Variants in CD200R1 observed in about 807,000 individuals in gnomAD.
CD200R1 encodes the protein cell surface glycoprotein CD200 receptor 1.
In CD200R1, 30 loss-of-function variants were observed where a neutral mutation model predicts 38.1. The ratio of observed to expected loss-of-function variants is 0.79; its 90% CI spans 0.59 to 1.07. The LOEUF is 1.07. CD200R1 is among the 50% of genes least tolerant of loss of function. The pLI, the probability that CD200R1 is intolerant of heterozygous loss-of-function variation, is 0.00. For synonymous variants in CD200R1, 128 were observed against 152.1 expected (o/e 0.84, Z 1.16); for missense variants, 372 against 415.4 (o/e 0.90, Z 0.91).
At chr3:112,931,212 T>G (rs1285659373) in intron 2 of CD200R1, 41 bp from the exon 3 acceptor site, 1 of 1,322,986 alleles carries the variant, frequency 7.6e-7, no homozygotes, top group Admixed American at 1.7e-5. Context: ...ATCAATTTTA[T>G]GTACTCAGAG....
chr3:112,930,459 T>C (rs759341931), intron 3 of CD200R1, among the ~76,000 whole-genome samples: 2 of 152,246 alleles, frequency 1.3e-5, no homozygotes, highest in Non-Finnish European at 2.9e-5. Context: ...TTGATCCCTG[T>C]TGTCCATCAT....
intron 1 of CD200R1, among the ~76,000 whole-genome samples, chr3:112,974,070 A>G (rs549450227): frequency 6.6e-6 from 1 of 152,304 alleles, no homozygotes; most frequent in East Asian, 1.9e-4. Context: ...AGAAAGCAAT[A>G]AACTGTCCTA....
chr3:112,923,950 A>G (rs1940226687), intron 7 of CD200R1, 151 bp from the exon 8 acceptor site: 1 of 545,932 alleles, frequency 1.8e-6, no homozygotes, highest in Non-Finnish European at 3.2e-6. Flanking sequence ...ACATAAGAGC[A>G]GGATTTGTTC....
chr3:112,941,016 C>T (rs10460779), intron 2 of CD200R1, among the ~76,000 whole-genome samples: 4,310 of 151,518 alleles, frequency 0.028, 191 homozygotes, highest in East Asian at 0.22. Flanking sequence ...TGGATGGAAC[C>T]GGAGGATATT....
At chr3:112,933,992 G>T (rs943628726) in intron 2 of CD200R1, among the ~76,000 whole-genome samples, 1 of 151,898 alleles carries the variant, frequency 6.6e-6, no homozygotes, top group African/African-American at 2.4e-5. Flanking sequence ...GGAGACATCA[G>T]TAAGCAAAAA....
chr3:112,953,674 A>G (rs1394149645), intron 1 of CD200R1, among the ~76,000 whole-genome samples: 1 of 152,152 alleles, frequency 6.6e-6, no homozygotes, highest in Non-Finnish European at 1.5e-5. Context: ...AAATCTTGGT[A>G]GGTTGTCTAT....
chr3:112,946,054 G>GAAA (rs1553768550), intron 2 of CD200R1, among the ~76,000 whole-genome samples: 7 of 110,214 alleles, frequency 6.4e-5, no homozygotes, highest in Admixed American at 8.7e-5. Context: ...AAAAAAAAAG[G>GAAA]AGAACGAAAA....
intron 1 of CD200R1, among the ~76,000 whole-genome samples, chr3:112,967,415 G>A (rs554229349): frequency 5.3e-5 from 8 of 152,280 alleles, no homozygotes; most frequent in African/African-American, 1.9e-4. Context: ...CCTTGGAGGA[G>A]CCTAACTTGA....
chr3:112,950,951 T>G (rs1357066303), intron 1 of CD200R1, among the ~76,000 whole-genome samples: 1 of 152,076 alleles, frequency 6.6e-6, no homozygotes, highest in Non-Finnish European at 1.5e-5. Context: ...GTGCTAATTT[T>G]AAAGGAAGAA....
At chr3:112,974,724 AAAAAT>A (rs1933398396) in intron 1 of CD200R1, 62 bp downstream of exon 1, 1 of 1,094,164 alleles carries the variant, frequency 9.1e-7, no homozygotes, top group African/African-American at 1.5e-5. Context: ...AAGAAAGACA[AAAAAT>A]AAACTCAGGA....
chr3:112,955,702 C>A (rs920805351), intron 1 of CD200R1, among the ~76,000 whole-genome samples: 21 of 151,494 alleles, frequency 1.4e-4, no homozygotes, highest in South Asian at 2.1e-4. Context: ...ATTCCCTCAT[C>A]TTCTGTTTAT....
At position 112,923,642 on chromosome 3, in the gene CD200R1, TTTG is replaced by T. The variant is rs769034404; in HGVS notation, c.*32_*34del. 12 of 1,009,320 alleles carry T rather than the reference TTTG, an allele frequency of 1.2e-5. No individual in the cohort carries two copies. Among genetic ancestry groups the T allele is most frequent in the Admixed American group, 1.9e-5 (1 of 51,800 alleles). The allele number at this position is 1,009,320 out of a possible 1,614,324, so 62.5% of individuals were successfully genotyped here. On this transcript the variant is annotated 3_prime_UTR_variant, in exon 8 of 8. Transcript: ENST00000308611. Reference sequence around the variant, plus strand: ...CAGACAGTAATTATAATGTATCTCGTTTGTTGTTGTTTCTTGGTACTAGAGTCC... The same window carrying T: ...CAGACAGTAATTATAATGTATCTCGTTTGTTGTTTCTTGGTACTAGAGTCC...
At chr3:112,943,773 A>T (rs1940777982) in intron 2 of CD200R1, among the ~76,000 whole-genome samples, 1 of 151,786 alleles carries the variant, frequency 6.6e-6, no homozygotes, top group Non-Finnish European at 1.5e-5. Context: ...GAAAGAGGGT[A>T]TATTAACACA....
chr3:112,935,376 A>G (rs146470016), intron 2 of CD200R1, among the ~76,000 whole-genome samples: 75 of 152,356 alleles, frequency 4.9e-4, no homozygotes, highest in African/African-American at 1.7e-3. Flanking sequence ...AAAAATTACA[A>G]TCATATCATC....
At chr3:112,974,357 G>A (rs1234032499) in intron 1 of CD200R1, among the ~76,000 whole-genome samples, 1 of 152,082 alleles carries the variant, frequency 6.6e-6, no homozygotes, top group Non-Finnish European at 1.5e-5. Flanking sequence ...GACTGCTTGA[G>A]ACCTGGAGTT....
intron 1 of CD200R1, among the ~76,000 whole-genome samples, chr3:112,973,410 T>C (rs978022819): frequency 6.6e-6 from 1 of 152,146 alleles, no homozygotes; most frequent in Non-Finnish European, 1.5e-5. Flanking sequence ...CACTCAAATG[T>C]TTAGTGGTGC....
At chr3:112,970,238 G>A (rs1933268916) in intron 1 of CD200R1, among the ~76,000 whole-genome samples, 1 of 152,016 alleles carries the variant, frequency 6.6e-6, no homozygotes, top group Non-Finnish European at 1.5e-5. Flanking sequence ...TTTTGGTATT[G>A]CTTTCCTTAA....
chr3:112,974,329 CAGG>C (rs1274237443), intron 1 of CD200R1, among the ~76,000 whole-genome samples: 1 of 152,036 alleles, frequency 6.6e-6, no homozygotes, highest in African/African-American at 2.4e-5. Flanking sequence ...CCTAGACACT[CAGG>C]AGGCTGAGTG....
chr3:112,950,580 A>G (rs905754695), intron 1 of CD200R1, among the ~76,000 whole-genome samples: 2 of 152,174 alleles, frequency 1.3e-5, no homozygotes, highest in Non-Finnish European at 2.9e-5. Context: ...CACTGACCTA[A>G]TTCATATTTT....
Sources: gnomAD v4.1 joint callset for allele counts (sites outside exome capture counted in the v4.1 genomes callset) on GRCh38, gnomAD v4.1.1 for gene constraint, MANE v1.5 for transcripts, NCBI Gene and HGNC (gene_info 2026-07-23, HGNC 2026-07-21) for gene names.